ABCE1: variants seen among roughly 807,000 people sequenced by gnomAD.
ABCE1 encodes ATP binding cassette subfamily E member 1, also known as ATP-binding cassette sub-family E member 1.
A neutral mutation model predicts 83.4 loss-of-function variants in ABCE1; 22 were observed. The observed-to-expected ratio is 0.26, with a 90% CI of 0.19 to 0.38. ABCE1 has a LOEUF of 0.38. Among genes scored for constraint, ABCE1 ranks in the 10% least tolerant of loss-of-function variants. The probability of loss-of-function intolerance (pLI) is 1.00; values close to 1 mark genes in which losing one functional copy is unlikely to be tolerated. For synonymous variants in ABCE1, 204 were observed against 233.7 expected, an observed-to-expected ratio of 0.87 and a Z score of 1.16; for missense variants, 330 against 721.9, an observed-to-expected ratio of 0.46 and a Z score of 6.22.
At chr4:145,125,972 T>A (rs1354095061) in intron 17 of ABCE1, among the ~76,000 whole-genome samples, 1 of 151,940 alleles carries the variant, frequency 6.6e-6, no homozygotes, top group Non-Finnish European at 1.5e-5. Context: ...ACCCAGGAGG[T>A]GGAGGTTGCA....
chr4:145,103,814 T>TGCAG (rs1335369472), intron 1 of ABCE1, among the ~76,000 whole-genome samples: 7 of 147,666 alleles, frequency 4.7e-5, no homozygotes, highest in Non-Finnish European at 1.0e-4. Context: ...CAGGCTGGAG[T>TGCAG]GCAGTAGTGT....
At chr4:145,120,522 T>G (rs1749714608) in intron 11 of ABCE1, among the ~76,000 whole-genome samples, 1 of 152,066 alleles carries the variant, frequency 6.6e-6, no homozygotes, top group South Asian at 2.1e-4. Context: ...CCTCATACAC[T>G]TCAATGTGGA....
chr4:145,124,130 A>T (rs1044897270), intron 16 of ABCE1, among the ~76,000 whole-genome samples: 11 of 152,198 alleles, frequency 7.2e-5, no homozygotes, highest in African/African-American at 2.7e-4. Flanking sequence ...GAAGCCTAAC[A>T]TTCAGATCAA....
chr4:145,099,784 C>T (rs1283772639), intron 1 of ABCE1, among the ~76,000 whole-genome samples: 2 of 152,208 alleles, frequency 1.3e-5, no homozygotes, highest in Admixed American at 1.3e-4. Context: ...TGCTTTTACA[C>T]AGCGTTACAA....
intron 1 of ABCE1, 74 bp downstream of exon 1, chr4:145,098,493 C>T (rs1014420509): frequency 6.6e-6 from 1 of 152,378 alleles, no homozygotes; most frequent in African/African-American, 2.4e-5. Context: ...GGGACGTTCT[C>T]CGAGAGCCTT....
chr4:145,111,070 T>A lies in ABCE1; in HGVS notation c.710+6T>A. On this transcript the variant is annotated splice_donor_region_variant and intron_variant, in intron 8 of 17. Transcript: ENST00000296577. ...TGCATACAGAAAGCTGATATGTAGG[T>A]TACTTTACAATTTTTGTTTATCTTC... is the stretch of plus-strand genomic sequence containing the variant. 1 of 1,601,556 alleles carries A rather than the reference T, an allele frequency of 6.2e-7. No individual in the cohort carries two copies. The highest frequency in any genetic ancestry group is 8.5e-7 in the Non-Finnish European group (1 of 1,172,820).
Position 145,119,996 on chromosome 4 carries a change from T to G in ABCE1, c.987T>G (p.Leu329=). The change falls in exon 11 of 18, where the codon CTT becomes CTG. Residue 329 remains leucine (L), a synonymous_variant. Coordinates refer to ENST00000296577, the MANE Select transcript of ABCE1 (RefSeq NM_002940.3). ...TENLRFRDAS[L]VFKVAETANE... ...ACTTGAGATTCAGAGATGCATCACT[T>G]GTTTTTAAAGTGGCTGAGACAGCAA... The G allele has an allele frequency of 6.2e-7, 1 of 1,612,774 alleles. No homozygotes were observed. Among genetic ancestry groups the G allele is most frequent in the Non-Finnish European group, 8.5e-7 (1 of 1,179,230 alleles).
Position 145,127,715 on chromosome 4 carries a change from C to T in ABCE1, c.*142C>T, listed in dbSNP as rs1255395178. The T allele has an allele frequency of 5.5e-6, 3 of 549,214 alleles. No homozygotes were observed. The highest frequency in any genetic ancestry group is 4.0e-5 in the African/African-American group (2 of 50,002). 34.0% of individuals were successfully genotyped at this position (549,214 alleles called of 1,614,324 possible). A position where few individuals can be genotyped will look rare whatever the true frequency, so the allele number is the denominator to read the frequency against. On this transcript the variant is annotated 3_prime_UTR_variant, in exon 18 of 18. Coordinates refer to ENST00000296577, the MANE Select transcript of ABCE1 (RefSeq NM_002940.3). The stretch of plus-strand genomic sequence containing the variant: ...AATATACTTAATATAACATAAAAAG[C>T]CAGTTGGGTTCTAAATTGTAGTTGA...
At chr4:145,103,731 A>G (rs939695757) in intron 1 of ABCE1, among the ~76,000 whole-genome samples, 3 of 149,880 alleles carry the variant, frequency 2.0e-5, no homozygotes, top group African/African-American at 7.4e-5. Context: ...TTTTTCCATT[A>G]GAGCTTTAGA....
chr4:145,114,070 A>G (rs911397808), intron 9 of ABCE1, among the ~76,000 whole-genome samples: 1 of 152,088 alleles, frequency 6.6e-6, no homozygotes, highest in Non-Finnish European at 1.5e-5. Flanking sequence ...TACAGATACT[A>G]ACTAATTCAT....
Position 145,123,356 on chromosome 4 carries a change from C to T in ABCE1, c.1516C>T (p.Arg506Cys), listed in dbSNP as rs745538246. The change falls in exon 15 of 18, where the codon CGT (arginine) becomes TGT (cysteine). Residue 506 changes from arginine (R) to cysteine (C), a missense_variant and splice_region_variant. Coordinates refer to ENST00000296577, the MANE Select transcript of ABCE1 (RefSeq NM_002940.3). ...ACTGATGGCAGCTCGAGTTGTCAAA[C>T]GGTAAATATCTTGCTCCTAGCCATA... The part of the protein sequence containing the change: ...QRLMAARVVK[R>C]FILHAKKTAF... 8 of 1,602,190 alleles carry T rather than the reference C, an allele frequency of 5.0e-6. No individual in the cohort carries two copies. Among genetic ancestry groups the T allele is most frequent in the Admixed American group, 3.4e-5 (2 of 58,202 alleles).
rs1265768634 is a variant in ABCE1 at position 145,128,224 on chromosome 4, C to A, written c.*651C>A. On this transcript the variant is annotated 3_prime_UTR_variant, in exon 18 of 18. Transcript: ENST00000296577. ...ATTCAGTTCCATTCCCCGCAAAAAA[C>A]CCCTAACTTTACTCTGAACTTTTTT... 2.6e-5 allele frequency: 4 copies of A among 152,668 alleles called. No individual in the cohort carries two copies. Among genetic ancestry groups the A allele is most frequent in the East Asian group, 1.9e-4 (1 of 5,186 alleles). 9.5% of individuals were successfully genotyped at this position (152,668 alleles called of 1,614,324 possible). A position where few individuals can be genotyped will look rare whatever the true frequency, so the allele number is the denominator to read the frequency against.
intron 2 of ABCE1, 130 bp from the exon 3 acceptor site, chr4:145,105,475 C>G (rs1251695688): frequency 1.7e-6 from 1 of 599,766 alleles, no homozygotes; most frequent in East Asian, 2.8e-5. Context: ...AAATGTATTT[C>G]TTTGTGTGGC....
At chr4:145,113,282 T>G (rs1402215192) in intron 9 of ABCE1, among the ~76,000 whole-genome samples, 2 of 152,184 alleles carry the variant, frequency 1.3e-5, no homozygotes, top group African/African-American at 4.8e-5. Flanking sequence ...CACGGAAATG[T>G]CAAGAAAGCA....
chr4:145,112,997 T>G (rs1187625759), intron 9 of ABCE1, among the ~76,000 whole-genome samples: 1 of 152,220 alleles, frequency 6.6e-6, no homozygotes, highest in Non-Finnish European at 1.5e-5. Context: ...CTGCCTCTTC[T>G]GACTTAACAA....
At chr4:145,111,844 A>G (rs1421359678) in intron 8 of ABCE1, among the ~76,000 whole-genome samples, 1 of 152,206 alleles carries the variant, frequency 6.6e-6, no homozygotes, top group African/African-American at 2.4e-5. Flanking sequence ...TGTCCGGTGA[A>G]GGCTAACTCT....
At chr4:145,124,940 A>G (rs771164635) in intron 16 of ABCE1, 50 bp from the exon 17 acceptor site, 1 of 1,321,126 alleles carries the variant, frequency 7.6e-7, no homozygotes, top group East Asian at 2.3e-5. Flanking sequence ...AAAGGTAGTT[A>G]CATTTCTGAA....
intron 2 of ABCE1, among the ~76,000 whole-genome samples, chr4:145,105,213 T>G (rs1414204578): frequency 6.6e-6 from 1 of 152,110 alleles, no homozygotes; most frequent in Non-Finnish European, 1.5e-5. Flanking sequence ...CTAGCTACAA[T>G]AGTTCATTCG....
chr4:145,120,303 T>A (rs967383859), intron 11 of ABCE1, 150 bp downstream of exon 11: 1 of 658,576 alleles, frequency 1.5e-6, no homozygotes, highest in Admixed American at 3.6e-5. Context: ...TACTTTCACA[T>A]TTTTTTGGCA....
Sources: allele counts gnomAD v4.1 joint callset (sites outside exome capture counted in the v4.1 genomes callset), GRCh38; gene constraint gnomAD v4.1.1; transcripts MANE v1.5; gene names NCBI Gene and HGNC (gene_info 2026-07-23, HGNC 2026-07-21).